RAPGEF5: variants seen among roughly 807,000 people sequenced by gnomAD.
RAPGEF5 encodes Rap guanine nucleotide exchange factor 5.
RAPGEF5 carries 65 observed loss-of-function variants against 125.2 expected under a neutral mutation model. The observed-to-expected ratio is 0.52, with a 90% CI of 0.43 to 0.64. The LOEUF is 0.64. RAPGEF5 is among the 30% of genes least tolerant of loss of function. RAPGEF5 has a pLI of 0.00. For missense variants in RAPGEF5, 958 were observed against 1,048.1 expected (o/e 0.91, Z 1.19); for synonymous variants, 391 against 385.9 (o/e 1.01, Z -0.16).
chr7:22,228,598 C>G, intron 8 of RAPGEF5, among the ~76,000 whole-genome samples: 1 of 152,060 alleles, frequency 6.6e-6, no homozygotes, highest in East Asian at 1.9e-4. Context: ...ACCTCCGCCT[C>G]CCGGGTTCAA....
intron 7 of RAPGEF5, among the ~76,000 whole-genome samples, chr7:22,253,049 T>C (rs1307755627): frequency 3.3e-5 from 5 of 151,980 alleles, no homozygotes; most frequent in Non-Finnish European, 7.4e-5. Context: ...TATACAAAAT[T>C]TGTCAGCAAG....
intron 11 of RAPGEF5, among the ~76,000 whole-genome samples, chr7:22,190,646 C>A (rs1784965136): frequency 6.6e-6 from 1 of 152,186 alleles, no homozygotes; most frequent in Non-Finnish European, 1.5e-5. Context: ...TAACATCAAT[C>A]AGTAATCACT....
At chr7:22,214,627 A>C (rs13243657) in intron 9 of RAPGEF5, among the ~76,000 whole-genome samples, 27,239 of 152,120 alleles carry the variant, frequency 0.18, 2,874 homozygotes, top group East Asian at 0.32. Context: ...AAAAGTTTAT[A>C]AGCTTTTCAA....
At chr7:22,356,732 C>T in intron 1 of RAPGEF5, 98 bp downstream of exon 1, 2 of 622,916 alleles carry the variant, frequency 3.2e-6, no homozygotes, top group Non-Finnish European at 2.1e-6. Flanking sequence ...TCCGCCACCT[C>T]CCCAACTTCC....
chr7:22,214,543 T>A (rs1212534386), intron 9 of RAPGEF5, among the ~76,000 whole-genome samples: 1 of 152,214 alleles, frequency 6.6e-6, no homozygotes, highest in Non-Finnish European at 1.5e-5. Context: ...AGTGCAGCTA[T>A]ATTCCTGGAA....
chr7:22,217,295 C>A (rs1437634300), intron 9 of RAPGEF5, among the ~76,000 whole-genome samples: 2 of 152,208 alleles, frequency 1.3e-5, no homozygotes, highest in Admixed American at 1.3e-4. Flanking sequence ...AAGTAAACTG[C>A]AGTTTCCTCT....
intron 1 of RAPGEF5, among the ~76,000 whole-genome samples, chr7:22,353,977 G>A (rs575551819): frequency 2.3e-4 from 35 of 152,284 alleles, no homozygotes; most frequent in Middle Eastern, 3.4e-3. Context: ...AGGCTGAGGT[G>A]GGAGGACCGC....
At chr7:22,206,680 T>C (rs1192462882) in intron 9 of RAPGEF5, among the ~76,000 whole-genome samples, 1 of 136,674 alleles carries the variant, frequency 7.3e-6, no homozygotes, top group Admixed American at 7.8e-5. Context: ...GTGAGACCCA[T>C]GTCACAAGAA....
intron 5 of RAPGEF5, among the ~76,000 whole-genome samples, chr7:22,306,003 T>C: frequency 6.6e-6 from 1 of 152,198 alleles, no homozygotes; most frequent in South Asian, 2.1e-4. Flanking sequence ...TGGACAGTGA[T>C]GCAAAAAACA....
chr7:22,145,905 T>C (rs1783421781), intron 19 of RAPGEF5, among the ~76,000 whole-genome samples: 1 of 152,142 alleles, frequency 6.6e-6, no homozygotes, highest in Non-Finnish European at 1.5e-5. Context: ...CCAGTAACTA[T>C]TTATATAGAT....
intron 23 of RAPGEF5, among the ~76,000 whole-genome samples, chr7:22,135,133 G>C (rs1783040369): frequency 6.6e-6 from 1 of 152,222 alleles, no homozygotes; most frequent in Non-Finnish European, 1.5e-5. Flanking sequence ...AGGATGGCCA[G>C]GCCAACCAGC....
At chr7:22,273,211 ATTTTTTTTTT>A (rs71026869) in intron 6 of RAPGEF5, among the ~76,000 whole-genome samples, 1 of 96,590 alleles carries the variant, frequency 1.0e-5, no homozygotes, top group Non-Finnish European at 1.9e-5. Flanking sequence ...ACTTAGGAGT[ATTTTTTTTTT>A]TTTTTTTTTT....
intron 11 of RAPGEF5, among the ~76,000 whole-genome samples, chr7:22,180,243 C>A (rs1168288302): frequency 6.6e-6 from 1 of 152,156 alleles, no homozygotes; most frequent in African/African-American, 2.4e-5. Context: ...ATGCCATTTG[C>A]CCCTTTTTTG....
At chr7:22,205,166 C>A (rs1785370983) in intron 9 of RAPGEF5, among the ~76,000 whole-genome samples, 1 of 152,220 alleles carries the variant, frequency 6.6e-6, no homozygotes, top group Admixed American at 6.5e-5. Flanking sequence ...GATCTTTGCT[C>A]CACAACCTGT....
intron 7 of RAPGEF5, among the ~76,000 whole-genome samples, chr7:22,253,003 C>T (rs1786662564): frequency 1.3e-5 from 2 of 151,890 alleles, no homozygotes; most frequent in African/African-American, 4.8e-5. Flanking sequence ...GATCACTGCT[C>T]AACAAGAACA....
chr7:22,333,888 G>A (rs1250189232), intron 1 of RAPGEF5, among the ~76,000 whole-genome samples: 1 of 151,802 alleles, frequency 6.6e-6, no homozygotes, highest in Non-Finnish European at 1.5e-5. Flanking sequence ...ACAGAGGGGA[G>A]CCAGGGCACG....
chr7:22,304,821 T>C (rs117503905), intron 5 of RAPGEF5, among the ~76,000 whole-genome samples: 2,130 of 152,318 alleles, frequency 0.014, 17 homozygotes, highest in Middle Eastern at 0.051. Context: ...CTCCTTGACT[T>C]TTCTCAGGAC....
intron 7 of RAPGEF5, among the ~76,000 whole-genome samples, chr7:22,249,255 G>T (rs145966088): frequency 1.3e-5 from 2 of 152,084 alleles, no homozygotes; most frequent in Admixed American, 1.3e-4. Context: ...GCAGTGGTGC[G>T]ATCTTGGCTC....
At chr7:22,254,827 C>T (rs1786715597) in intron 7 of RAPGEF5, among the ~76,000 whole-genome samples, 1 of 152,056 alleles carries the variant, frequency 6.6e-6, no homozygotes, top group South Asian at 2.1e-4. Flanking sequence ...CTTGCATGTG[C>T]AGTTCACAAC....
Sources: allele counts gnomAD v4.1 joint callset (sites outside exome capture counted in the v4.1 genomes callset), GRCh38; gene constraint gnomAD v4.1.1; transcripts MANE v1.5; gene names NCBI Gene and HGNC (gene_info 2026-07-23, HGNC 2026-07-21).